The following LAMA2 variants were observed in gnomAD, a reference collection of about 807,000 sequenced individuals.
The protein encoded by LAMA2 is laminin subunit alpha-2.
A neutral mutation model predicts 364.8 loss-of-function variants in LAMA2; 269 were observed. That is an observed-to-expected ratio of 0.74 (90% CI 0.67 to 0.82). The LOEUF is 0.82. Among genes scored for constraint, LAMA2 ranks in the 40% least tolerant of loss-of-function variants. The pLI is 0.00. For synonymous variants in LAMA2, 1,379 were observed against 1,370.6 expected (o/e 1.01, Z -0.14); for missense variants, 3,807 against 3,873.2 (o/e 0.98, Z 0.45).
intron 1 of LAMA2, among the ~76,000 whole-genome samples, chr6:128,923,785 T>C (rs2114495159): frequency 6.6e-6 from 1 of 152,304 alleles, no homozygotes; most frequent in East Asian, 1.9e-4. Context: ...TATAGAGGTT[T>C]ATTTCTCAAT....
rs868432521 is a variant in LAMA2 at position 129,340,825 on chromosome 6, T to G, written c.4312-1518T>G. ...CACTCCAGCCTGGGCGACAGAGCTC[T>G]GTCTCAAAAAAAAAAAAAAAAAAAA... On this transcript the variant is annotated intron_variant, in intron 29 of 64. Coordinates refer to ENST00000421865, the MANE Select transcript of LAMA2 (RefSeq NM_000426.4). Among the ~76,000 whole-genome samples the G allele has an allele frequency of 1.4e-4, 16 of 111,768 alleles. No individual in the cohort carries two copies. In the Middle Eastern group the frequency reaches 0.038, roughly 269 times the overall value. 73.3% of individuals were successfully genotyped at this position (111,768 alleles called of 152,430 possible).
At chr6:129,116,040 T>C (rs913153599) in intron 4 of LAMA2, among the ~76,000 whole-genome samples, 2 of 152,118 alleles carry the variant, frequency 1.3e-5, no homozygotes, top group African/African-American at 2.4e-5. Flanking sequence ...TTGAGAGCTG[T>C]GACTGAATCT....
intron 1 of LAMA2, among the ~76,000 whole-genome samples, chr6:128,917,176 T>A (rs1449551854): frequency 8.8e-5 from 13 of 147,040 alleles, no homozygotes; most frequent in African/African-American, 1.7e-4. Flanking sequence ...AAGCCTTTTT[T>A]AAAAAAAAAA....
At chr6:128,923,782 G>A (rs1415032454) in intron 1 of LAMA2, among the ~76,000 whole-genome samples, 1 of 152,082 alleles carries the variant, frequency 6.6e-6, no homozygotes, top group Non-Finnish European at 1.5e-5. Flanking sequence ...CATTATAGAG[G>A]TTTATTTCTC....
At chr6:129,160,953 C>T (rs927880583) in intron 8 of LAMA2, among the ~76,000 whole-genome samples, 6 of 152,022 alleles carry the variant, frequency 3.9e-5, no homozygotes, top group African/African-American at 1.4e-4. Flanking sequence ...AGTGCATGGT[C>T]TCTCTTGGCA....
intron 27 of LAMA2, 48 bp from the exon 28 acceptor site, chr6:129,320,490 T>A: frequency 9.2e-7 from 1 of 1,083,070 alleles, no homozygotes; most frequent in Non-Finnish European, 1.4e-6. Flanking sequence ...TACTAGGTGA[T>A]CTTAACTGAC....
At chr6:129,171,737 G>T (rs1403263352) in intron 9 of LAMA2, among the ~76,000 whole-genome samples, 3 of 123,136 alleles carry the variant, frequency 2.4e-5, no homozygotes, top group African/African-American at 6.5e-5. Context: ...GCTAGATTGG[G>T]GAAGTTCTCC....
At position 129,478,339 on chromosome 6, in the gene LAMA2, G is replaced by A. The variant is rs940477053; in HGVS notation, c.7452-354G>A. On this transcript the variant is annotated intron_variant, in intron 53 of 64. Transcript: ENST00000421865. ...TTTTGGTATATAGTTTGTTTATGCT[G>A]CCTATGCAATTATCTTCTCTTTGGT... is the stretch of plus-strand genomic sequence containing the variant. 3.3e-5 allele frequency among the ~76,000 whole-genome samples: 5 copies of A among 151,974 alleles called. 1 individual carries two copies. Among genetic ancestry groups the A allele is most frequent in the South Asian group, 4.2e-4 (2 of 4,818 alleles).
At chr6:129,307,898 A>T (rs1200181549) in intron 22 of LAMA2, among the ~76,000 whole-genome samples, 1 of 152,214 alleles carries the variant, frequency 6.6e-6, no homozygotes, top group Non-Finnish European at 1.5e-5. Flanking sequence ...TTGGAACGTG[A>T]TGACCAAGTG....
chr6:129,442,998 A>G, intron 43 of LAMA2, 65 bp from the exon 44 acceptor site: 4 of 1,252,274 alleles, frequency 3.2e-6, no homozygotes, highest in Non-Finnish European at 4.6e-6. Context: ...TAATATTTAT[A>G]GAAAATACTT....
chr6:129,068,694 A>G (rs1195946477), intron 3 of LAMA2, among the ~76,000 whole-genome samples: 2 of 152,156 alleles, frequency 1.3e-5, no homozygotes, highest in African/African-American at 2.4e-5. Flanking sequence ...GTTCCTATGC[A>G]TGTTCTTACT....
At chr6:129,366,109 C>T (rs958209378) in intron 32 of LAMA2, 110 bp from the exon 33 acceptor site, 2 of 1,174,994 alleles carry the variant, frequency 1.7e-6, no homozygotes, top group African/African-American at 3.0e-5. Flanking sequence ...GTAGTTTCAT[C>T]TTCCATGGAA....
At chr6:129,032,211 A>G (rs1786282688) in intron 1 of LAMA2, among the ~76,000 whole-genome samples, 1 of 152,252 alleles carries the variant, frequency 6.6e-6, no homozygotes, top group Non-Finnish European at 1.5e-5. Flanking sequence ...AACAAAACAT[A>G]CATAGTCTCT....
intron 37 of LAMA2, among the ~76,000 whole-genome samples, chr6:129,394,751 T>C (rs948674681): frequency 2.0e-5 from 3 of 152,236 alleles, no homozygotes; most frequent in African/African-American, 4.8e-5. Context: ...TTGAGAAATA[T>C]TTCAAGAAGA....
chr6:129,477,716 T>TGTA (rs10644178), intron 53 of LAMA2, among the ~76,000 whole-genome samples: 1 of 151,950 alleles, frequency 6.6e-6, no homozygotes, highest in African/African-American at 2.4e-5. Context: ...TGCTTTATTT[T>TGTA]GTTATTGTTC....
intron 40 of LAMA2, among the ~76,000 whole-genome samples, chr6:129,423,044 A>G (rs943767992): frequency 6.6e-5 from 10 of 152,106 alleles, no homozygotes; most frequent in African/African-American, 2.2e-4. Flanking sequence ...ATTTGAAATT[A>G]GTCAGTGTAA....
intron 57 of LAMA2, 21 bp downstream of exon 57, chr6:129,492,098 C>G: frequency 6.3e-7 from 1 of 1,599,804 alleles, no homozygotes; most frequent in Non-Finnish European, 8.6e-7. Flanking sequence ...CTCCTCATTA[C>G]TACTACTAAT....
intron 34 of LAMA2, among the ~76,000 whole-genome samples, chr6:129,375,710 C>A (rs186946447): frequency 9.9e-5 from 15 of 152,174 alleles, no homozygotes; most frequent in Non-Finnish European, 1.5e-4. Context: ...ATAACACTTT[C>A]TTTGGTCTTC....
At chr6:128,884,786 G>A (rs1776053091) in intron 1 of LAMA2, among the ~76,000 whole-genome samples, 2 of 152,270 alleles carry the variant, frequency 1.3e-5, no homozygotes, top group Admixed American at 6.5e-5. Flanking sequence ...TACAAGGTGT[G>A]TTTAAACAAG....
Sources: allele counts gnomAD v4.1 joint callset (sites outside exome capture counted in the v4.1 genomes callset), GRCh38; gene constraint gnomAD v4.1.1; transcripts MANE v1.5; gene names NCBI Gene and HGNC (gene_info 2026-07-23, HGNC 2026-07-21).